Variants in HOOK1 observed in about 807,000 individuals in gnomAD.
The protein encoded by HOOK1 is hook microtubule tethering protein 1, also known as protein Hook homolog 1.
HOOK1 carries 60 observed loss-of-function variants against 112.8 expected under a neutral mutation model. The ratio of observed to expected loss-of-function variants is 0.53; its 90% CI spans 0.43 to 0.66. The LOEUF is 0.66. HOOK1 is among the 30% of genes least tolerant of loss of function. HOOK1 has a pLI of 0.00. For missense variants in HOOK1, 770 were observed against 856.0 expected, an observed-to-expected ratio of 0.90 and a Z score of 1.25; for synonymous variants, 294 against 283.8, an observed-to-expected ratio of 1.04 and a Z score of -0.36.
At chr1:59,833,559 G>T in intron 5 of HOOK1, 22 bp downstream of exon 5, 1 of 1,513,150 alleles carries the variant, frequency 6.6e-7, no homozygotes, top group Non-Finnish European at 8.9e-7. Context: ...TCAATCATTT[G>T]AGGATTTCTA....
At chr1:59,865,281 A>G in intron 18 of HOOK1, 36 bp downstream of exon 18, 3 of 1,271,302 alleles carry the variant, frequency 2.4e-6, no homozygotes, top group South Asian at 1.2e-5. Flanking sequence ...AGACAACAGT[A>G]TATCTAAGGA....
chr1:59,833,807 G>A (rs1042265278), intron 5 of HOOK1, among the ~76,000 whole-genome samples: 67 of 152,262 alleles, frequency 4.4e-4, no homozygotes, highest in African/African-American at 1.6e-3. Flanking sequence ...ATAAGACTTA[G>A]TGGATAGTCA....
chr1:59,849,189 CAT>C lies in HOOK1; in HGVS notation c.1242+8_1242+9del. The C allele has an allele frequency of 6.5e-7, 1 of 1,539,384 alleles. No individual in the cohort carries two copies. Among genetic ancestry groups the C allele is most frequent in the Non-Finnish European group, 9.0e-7 (1 of 1,117,318 alleles). ...CTTTACTTAAGGAAAAAGAGGTAAA[CAT>C]AGATATAATTGATAAGGAATATTTC... is the stretch of plus-strand genomic sequence containing the variant. On this transcript the variant is annotated splice_region_variant and intron_variant, in intron 12 of 21. Coordinates refer to ENST00000371208, the MANE Select transcript of HOOK1 (RefSeq NM_015888.6).
rs756842859 is a variant in HOOK1, at chr1:59,860,180, A to G, written c.1392-8A>G. ...AAAATTAAAAAAGATTTTGCTTTGTAACATCAGGGAGGTGTTTATTCGACT... is the reference window on the plus strand; with the variant it reads ...AAAATTAAAAAAGATTTTGCTTTGTGACATCAGGGAGGTGTTTATTCGACT... On this transcript the variant is annotated splice_region_variant and splice_polypyrimidine_tract_variant and intron_variant, in intron 14 of 21. Transcript: ENST00000371208. The G allele has an allele frequency of 1.3e-6, 2 of 1,561,140 alleles. No homozygotes were observed. The highest frequency in any genetic ancestry group is 2.1e-5 in the Admixed American group (1 of 47,180).
At position 59,859,743 on chromosome 1, in the gene HOOK1, C is replaced by T. The variant is rs17119792; in HGVS notation, c.1392-445C>T. Among the ~76,000 whole-genome samples the T allele has an allele frequency of 4.2e-3, 635 of 151,812 alleles. 6 individuals carry two copies. Among genetic ancestry groups the T allele is most frequent in the African/African-American group, 0.015 (609 of 41,438 alleles). On this transcript the variant is annotated intron_variant, in intron 14 of 21. Coordinates refer to ENST00000371208, the MANE Select transcript of HOOK1 (RefSeq NM_015888.6). The stretch of plus-strand genomic sequence containing the variant: ...AAAGATCTAGAAACTTTCTTATTGC[C>T]ATTATAAGGTATATATTAAAATTTT...
At position 59,865,989 on chromosome 1, in the gene HOOK1, T is replaced by C. The variant is rs772059233; in HGVS notation, c.1845+17T>C. 5 of 1,388,062 alleles carry C rather than the reference T, an allele frequency of 3.6e-6. No homozygotes were observed. Among genetic ancestry groups the C allele is most frequent in the Non-Finnish European group, 5.1e-6 (5 of 985,640 alleles). 86.0% of individuals were successfully genotyped at this position (1,388,062 alleles called of 1,614,324 possible). On this transcript the variant is annotated intron_variant, in intron 19 of 21. Coordinates refer to ENST00000371208, the MANE Select transcript of HOOK1 (RefSeq NM_015888.6). ...GCCAGAAATGTGAGTGACTTATCTTTCGGAGCTCAAGACTTTGTGGCCTGT... is the reference window on the plus strand; with the variant it reads ...GCCAGAAATGTGAGTGACTTATCTTCCGGAGCTCAAGACTTTGTGGCCTGT...
chr1:59,826,085 G>T (rs1478863453), intron 2 of HOOK1, among the ~76,000 whole-genome samples: 4 of 152,210 alleles, frequency 2.6e-5, no homozygotes, highest in Non-Finnish European at 4.4e-5. Flanking sequence ...TAACTAGTAG[G>T]TATTTCTTAC....
intron 5 of HOOK1, among the ~76,000 whole-genome samples, chr1:59,834,492 C>T (rs1191633660): frequency 6.6e-6 from 1 of 152,052 alleles, no homozygotes; most frequent in African/African-American, 2.4e-5. Context: ...TAGGACAAGC[C>T]AGTACTTCTC....
chr1:59,845,047 C>G (rs889059478), intron 9 of HOOK1, among the ~76,000 whole-genome samples: 1 of 151,922 alleles, frequency 6.6e-6, no homozygotes, highest in African/African-American at 2.4e-5. Context: ...ATACCTTAGA[C>G]AGGGTAATTT....
intron 1 of HOOK1, among the ~76,000 whole-genome samples, chr1:59,820,984 A>G (rs1005474700): frequency 1.8e-4 from 27 of 152,246 alleles, no homozygotes; most frequent in African/African-American, 6.5e-4. Context: ...GCACAGAACC[A>G]TTAAAAGTGA....
chr1:59,870,859 T>C (rs1644044728), intron 20 of HOOK1, 183 bp from the exon 21 acceptor site: 1 of 513,424 alleles, frequency 1.9e-6, no homozygotes, highest in African/African-American at 1.9e-5. Flanking sequence ...ACAAACCTTA[T>C]TCTTTCCTAA....
intron 5 of HOOK1, 149 bp from the exon 6 acceptor site, chr1:59,835,196 A>T: frequency 1.6e-6 from 1 of 610,600 alleles, no homozygotes; most frequent in Non-Finnish European, 2.9e-6. Flanking sequence ...TATCTTGGTG[A>T]GGAAGGAAGA....
chr1:59,869,192 CT>C lies in HOOK1; in HGVS notation c.1947+853del, dbSNP rs879570921. ...AATTCTCATAAATGGTACTCAGTTT[CT>C]TTTTTTTTTTTCTTTTGATATGGAG... is the stretch of plus-strand genomic sequence containing the variant. On this transcript the variant is annotated intron_variant, in intron 20 of 21. Coordinates refer to ENST00000371208, the MANE Select transcript of HOOK1 (RefSeq NM_015888.6). Among the ~76,000 whole-genome samples, 204 of 145,672 alleles carry C rather than the reference CT, an allele frequency of 1.4e-3. 2 individuals are homozygous for C. Among genetic ancestry groups the C allele is most frequent in the Admixed American group, 3.7e-3 (54 of 14,612 alleles).
chr1:59,828,656 A>G, intron 2 of HOOK1, 124 bp from the exon 3 acceptor site: 1 of 634,662 alleles, frequency 1.6e-6, no homozygotes, highest in Non-Finnish European at 2.7e-6. Flanking sequence ...TATATAAGTA[A>G]TATTCAGTAT....
intron 19 of HOOK1, among the ~76,000 whole-genome samples, chr1:59,866,392 G>T (rs1409881213): frequency 6.6e-6 from 1 of 152,156 alleles, no homozygotes; most frequent in East Asian, 1.9e-4. Context: ...TGAAATTGTT[G>T]TAGCATTTAG....
intron 10 of HOOK1, among the ~76,000 whole-genome samples, chr1:59,847,617 G>T (rs75512350): frequency 0.034 from 5,180 of 151,616 alleles, 80 homozygotes; most frequent in Middle Eastern, 0.041. Context: ...GGGGAGGATT[G>T]TCATTTGGCA....
chr1:59,830,315 G>A (rs998087159), intron 3 of HOOK1, among the ~76,000 whole-genome samples: 15 of 151,994 alleles, frequency 9.9e-5, no homozygotes, highest in South Asian at 4.1e-4. Flanking sequence ...TGATGATTTC[G>A]ATTTTGTTGA....
intron 3 of HOOK1, 74 bp from the exon 4 acceptor site, chr1:59,832,088 AT>A (rs2098394421): frequency 2.5e-6 from 2 of 795,272 alleles, no homozygotes; most frequent in Non-Finnish European, 4.0e-6. Context: ...GAAAGTTTTT[AT>A]TGTCTTTCAT....
Position 59,815,077 on chromosome 1 carries a change from GT to G in HOOK1, c.-40del, listed in dbSNP as rs113730234. 1,534,584 of 1,534,594 alleles carry G rather than the reference GT, an allele frequency of 1. 767,287 individuals carry two copies. Among genetic ancestry groups the G allele is most frequent in the Middle Eastern group, 1 (5,956 of 5,956 alleles). On this transcript the variant is annotated 5_prime_UTR_variant, in exon 1 of 22. Coordinates refer to ENST00000371208, the MANE Select transcript of HOOK1 (RefSeq NM_015888.6). Reference sequence around the variant, plus strand: ...CCTGGAGGAGAGCCGGTAGGAGGGAGTGTGAAGGTGTCCGCGGCGTCGTCGA... The same window carrying G: ...CCTGGAGGAGAGCCGGTAGGAGGGAGGTGAAGGTGTCCGCGGCGTCGTCGA...
Sources: allele counts gnomAD v4.1 joint callset (sites outside exome capture counted in the v4.1 genomes callset), GRCh38; gene constraint gnomAD v4.1.1; transcripts MANE v1.5; gene names NCBI Gene and HGNC (gene_info 2026-07-23, HGNC 2026-07-21).